The following GRIK3 variants were observed in gnomAD, a reference collection of about 807,000 sequenced individuals.
GRIK3 encodes glutamate ionotropic receptor kainate type subunit 3, also known as glutamate receptor ionotropic, kainate 3.
A neutral mutation model predicts 102.5 loss-of-function variants in GRIK3; 29 were observed. That is an observed-to-expected ratio of 0.28 (90% CI 0.21 to 0.39). GRIK3 has a LOEUF of 0.39. GRIK3 is among the 10% of genes least tolerant of loss of function. GRIK3 has a pLI of 1.00. For synonymous variants in GRIK3, 511 were observed against 504.9 expected (o/e 1.01, Z -0.16); for missense variants, 908 against 1,252.4 (o/e 0.73, Z 4.15).
intron 1 of GRIK3, among the ~76,000 whole-genome samples, chr1:36,955,989 T>G (rs1437628530): frequency 6.6e-6 from 1 of 152,120 alleles, no homozygotes; most frequent in African/African-American, 2.4e-5. Flanking sequence ...GAAGACAAGG[T>G]TCTTGGTGAC....
chr1:36,907,067 T>G (rs1186671400), intron 1 of GRIK3, among the ~76,000 whole-genome samples: 1 of 152,092 alleles, frequency 6.6e-6, no homozygotes, highest in Non-Finnish European at 1.5e-5. Flanking sequence ...TAAAATTAAT[T>G]CAAAAAACAG....
intron 1 of GRIK3, among the ~76,000 whole-genome samples, chr1:36,993,509 C>T (rs967080731): frequency 6.6e-6 from 1 of 152,220 alleles, no homozygotes; most frequent in Non-Finnish European, 1.5e-5. Context: ...TAATAATACT[C>T]AGTGCATAGA....
At chr1:36,967,307 C>A (rs896172932) in intron 1 of GRIK3, among the ~76,000 whole-genome samples, 1 of 152,242 alleles carries the variant, frequency 6.6e-6, no homozygotes, top group African/African-American at 2.4e-5. Context: ...TTGGGACCCA[C>A]AAATCTCTGA....
At chr1:36,961,717 C>T (rs957530521) in intron 1 of GRIK3, among the ~76,000 whole-genome samples, 2 of 152,230 alleles carry the variant, frequency 1.3e-5, no homozygotes, top group Non-Finnish European at 2.9e-5. Flanking sequence ...AATCATTTTG[C>T]CGAAGGATGC....
At chr1:36,863,762 T>C (rs1187294361) in intron 5 of GRIK3, among the ~76,000 whole-genome samples, 1 of 152,166 alleles carries the variant, frequency 6.6e-6, no homozygotes, top group Admixed American at 6.5e-5. Context: ...CTTCTGGGCT[T>C]TCATGCCACT....
At chr1:36,873,509 AAAG>A (rs1004499040) in intron 3 of GRIK3, among the ~76,000 whole-genome samples, 26 of 151,666 alleles carry the variant, frequency 1.7e-4, no homozygotes, top group African/African-American at 6.3e-4. Flanking sequence ...CCTCCCCTCC[AAAG>A]AAGAAGCTGA....
intron 1 of GRIK3, among the ~76,000 whole-genome samples, chr1:36,892,599 C>A (rs536488522): frequency 9.9e-5 from 15 of 151,018 alleles, no homozygotes; most frequent in Non-Finnish European, 1.6e-4. Flanking sequence ...GTAAAGTTCA[C>A]GTGTAGAGGT....
At chr1:36,810,807 G>T (rs566719215) in intron 13 of GRIK3, among the ~76,000 whole-genome samples, 2 of 152,342 alleles carry the variant, frequency 1.3e-5, no homozygotes, top group South Asian at 2.1e-4. Context: ...GGGACAGGAG[G>T]CCTCTTTGGA....
chr1:36,801,696 G>T lies in GRIK3; in HGVS notation c.*155C>A. 5.5e-6 allele frequency: 3 copies of T among 548,868 alleles called. No individual in the cohort carries two copies. The highest frequency in any genetic ancestry group is 9.2e-6 in the Non-Finnish European group (3 of 326,196). 34.0% of individuals were successfully genotyped at this position (548,868 alleles called of 1,614,324 possible). On this transcript the variant is annotated 3_prime_UTR_variant, in exon 16 of 16. Coordinates refer to ENST00000373091, the MANE Select transcript of GRIK3 (RefSeq NM_000831.4). ...AAGCAGCTGGCCTGAGAGCCTGCTG[G>T]CTTCCTGGCAGGTAAGGGCAGGAGG... is the stretch of plus-strand genomic sequence containing the variant.
chr1:36,870,878 T>C (rs750950346), intron 4 of GRIK3, among the ~76,000 whole-genome samples: 1 of 144,516 alleles, frequency 6.9e-6, no homozygotes, highest in Non-Finnish European at 1.5e-5. Flanking sequence ...AAACCAAAGC[T>C]GTGATTGTCA....
intron 1 of GRIK3, among the ~76,000 whole-genome samples, chr1:36,980,321 C>T (rs568966378): frequency 3.2e-4 from 48 of 152,152 alleles, no homozygotes; most frequent in African/African-American, 9.9e-4. Flanking sequence ...CCCCACTTCC[C>T]GTGCTCTGCC....
At chr1:36,941,005 T>G (rs1435442644) in intron 1 of GRIK3, among the ~76,000 whole-genome samples, 1 of 152,240 alleles carries the variant, frequency 6.6e-6, no homozygotes, top group East Asian at 1.9e-4. Flanking sequence ...CCATGTGTAT[T>G]GGGTTCCTGG....
intron 11 of GRIK3, among the ~76,000 whole-genome samples, chr1:36,822,153 C>T (rs1354814590): frequency 6.6e-6 from 1 of 152,208 alleles, no homozygotes; most frequent in Non-Finnish European, 1.5e-5. Context: ...ACAACTCTGT[C>T]GGCCCTGATG....
chr1:36,869,685 A>T, intron 5 of GRIK3, 63 bp downstream of exon 5: 1 of 1,261,276 alleles, frequency 7.9e-7, no homozygotes, highest in Non-Finnish European at 1.2e-6. Context: ...AGGCTAAGCC[A>T]CAATGAACTT....
At chr1:37,012,312 T>A (rs1011804349) in intron 1 of GRIK3, among the ~76,000 whole-genome samples, 8 of 152,194 alleles carry the variant, frequency 5.3e-5, no homozygotes, top group African/African-American at 1.9e-4. Flanking sequence ...CCAGGCAGGA[T>A]CACTGTATTT....
At chr1:36,873,646 C>T (rs191858892) in intron 3 of GRIK3, among the ~76,000 whole-genome samples, 13 of 152,198 alleles carry the variant, frequency 8.5e-5, no homozygotes, top group Admixed American at 8.5e-4. Context: ...CCCCTGCCCC[C>T]CCACCACTAA....
intron 1 of GRIK3, among the ~76,000 whole-genome samples, chr1:36,955,463 C>A (rs185593112): frequency 1.2e-3 from 185 of 152,296 alleles, no homozygotes; most frequent in African/African-American, 4.2e-3. Flanking sequence ...GAGTCACAGG[C>A]CCTCTCTGGG....
chr1:36,958,901 T>A (rs822862), intron 1 of GRIK3, among the ~76,000 whole-genome samples: 1 of 82,462 alleles, frequency 1.2e-5, no homozygotes, highest in Non-Finnish European at 2.6e-5. Context: ...AGTCTGTGCC[T>A]TGTGACTCTG....
At chr1:36,814,262 C>T (rs1449548190) in intron 13 of GRIK3, among the ~76,000 whole-genome samples, 1 of 152,144 alleles carries the variant, frequency 6.6e-6, no homozygotes, top group East Asian at 1.9e-4. Flanking sequence ...GAGCCTGCAC[C>T]AGGCTTATTT....
Sources: allele counts gnomAD v4.1 joint callset (sites outside exome capture counted in the v4.1 genomes callset), GRCh38; gene constraint gnomAD v4.1.1; transcripts MANE v1.5; gene names NCBI Gene and HGNC (gene_info 2026-07-23, HGNC 2026-07-21).